The following CCDC3 variants were observed in gnomAD, a reference collection of about 807,000 sequenced individuals.
CCDC3 encodes the protein coiled-coil domain-containing protein 3.
In CCDC3, 24 loss-of-function variants were observed where a neutral mutation model predicts 21.4. The observed-to-expected ratio is 1.12, with a 90% CI of 0.81 to 1.58. CCDC3 has a LOEUF of 1.58. Among genes scored for constraint, CCDC3 ranks in the 40% most tolerant of loss-of-function variants. CCDC3 has a pLI of 0.00. For missense variants in CCDC3, 425 were observed against 360.9 expected (o/e 1.18, Z -1.44); for synonymous variants, 186 against 166.0 (o/e 1.12, Z -0.93).
intron 2 of CCDC3, among the ~76,000 whole-genome samples, chr10:12,987,100 C>A (rs1325730136): frequency 6.6e-6 from 1 of 152,162 alleles, no homozygotes; most frequent in South Asian, 2.1e-4. Flanking sequence ...CAGCCCTGTC[C>A]TCTGCTGTGT....
At chr10:12,994,991 G>C (rs1226414596) in intron 2 of CCDC3, among the ~76,000 whole-genome samples, 1 of 151,476 alleles carries the variant, frequency 6.6e-6, no homozygotes, top group Non-Finnish European at 1.5e-5. Context: ...TGAGGCAGGA[G>C]AATCACTTGA....
chr10:13,015,323 T>C (rs11258127), intron 5 of CCDC3, among the ~76,000 whole-genome samples: 22,607 of 152,110 alleles, frequency 0.15, 2,139 homozygotes, highest in Admixed American at 0.23. Flanking sequence ...TTATACAGAT[T>C]AGGAATCAAA....
chr10:12,943,136 A>C, intron 2 of CCDC3, among the ~76,000 whole-genome samples: 1 of 152,190 alleles, frequency 6.6e-6, no homozygotes, highest in East Asian at 1.9e-4. Flanking sequence ...AGTACTCCTT[A>C]AACTCTTAGG....
At chr10:13,076,107 C>A (rs544814753) in intron 3 of CCDC3, among the ~76,000 whole-genome samples, 9 of 151,952 alleles carry the variant, frequency 5.9e-5, no homozygotes, top group African/African-American at 2.2e-4. Context: ...AAGCAGGTAT[C>A]AGGGAAATAG....
At chr10:12,919,586 T>TAA (rs11413349) in intron 2 of CCDC3, among the ~76,000 whole-genome samples, 10,760 of 130,728 alleles carry the variant, frequency 0.082, 756 homozygotes, top group African/African-American at 0.18. Flanking sequence ...CAAGACTGTC[T>TAA]AAAAAAAAAA....
intron 4 of CCDC3, chr10:13,058,060 A>T (rs1168377719): frequency 8.0e-6 from 6 of 751,848 alleles, no homozygotes; most frequent in Non-Finnish European, 1.5e-5. Flanking sequence ...AGCACATGTA[A>T]TCTGCAACAT....
At position 13,001,359 on chromosome 10, in the gene CCDC3, C is replaced by A; in HGVS notation, c.212G>T (p.Gly71Val). 1 of 1,597,296 alleles carries A rather than the reference C, an allele frequency of 6.3e-7. No homozygotes were observed. Among genetic ancestry groups the A allele is most frequent in the Non-Finnish European group, 8.5e-7 (1 of 1,173,188 alleles). ...HLPWQYHAGQ[G>V]GLFYSAEVEM... ...GACCTCGGCCGAGTAGAAGAGGCCC[C>A]CCTGGCCGGCGTGGTACTGCCAGGG... The change falls in exon 1 of 3, where the codon GGG becomes GTG. Residue 71 changes from glycine to valine, a missense_variant. Physicochemically the swap from Gly to Val is moderately radical, Grantham distance 109 (BLOSUM62 -3). Coordinates refer to ENST00000378825, the MANE Select transcript of CCDC3 (RefSeq NM_031455.4).
chr10:13,052,093 G>T lies in CCDC3; in HGVS notation c.-269-2152C>A, dbSNP rs571402630. ...TAGGGCAGTATAATCTCCAAATTTT[G>T]GCTGGGCATGGCGGCACACACCTGT... On this transcript the variant is annotated intron_variant, in intron 4 of 6. Transcript: ENST00000378839. Among the ~76,000 whole-genome samples, 5 of 152,178 alleles carry T rather than the reference G, an allele frequency of 3.3e-5. No individual in the cohort carries two copies. The East Asian group carries it at 7.7e-4, about 24-fold the overall frequency.
At chr10:12,955,152 T>C (rs1835063925) in intron 2 of CCDC3, among the ~76,000 whole-genome samples, 1 of 152,208 alleles carries the variant, frequency 6.6e-6, no homozygotes, top group African/African-American at 2.4e-5. Context: ...GGCATTTAGA[T>C]TCCTTGGTAT....
At chr10:13,032,821 A>G (rs1160198305) in intron 5 of CCDC3, among the ~76,000 whole-genome samples, 1 of 152,182 alleles carries the variant, frequency 6.6e-6, no homozygotes. Context: ...ACTACAAAAC[A>G]CTGCTGAACG....
At chr10:13,082,985 G>A (rs552723126) in intron 3 of CCDC3, among the ~76,000 whole-genome samples, 21 of 151,932 alleles carry the variant, frequency 1.4e-4, no homozygotes, top group East Asian at 5.8e-4. Context: ...TTGTGCCCTC[G>A]GTCTCTTGCC....
chr10:13,057,322 A>AGG (rs1160186095), intron 4 of CCDC3, among the ~76,000 whole-genome samples: 1 of 151,994 alleles, frequency 6.6e-6, no homozygotes, highest in Non-Finnish European at 1.5e-5. Context: ...TAAAATAATG[A>AGG]GGGGACAAGA....
At chr10:12,977,136 A>G (rs1835429128) in intron 2 of CCDC3, among the ~76,000 whole-genome samples, 1 of 152,108 alleles carries the variant, frequency 6.6e-6, no homozygotes, top group Non-Finnish European at 1.5e-5. Flanking sequence ...TTAGCTGGGC[A>G]TGGTGGCGAG....
At chr10:13,048,285 A>G (rs1245321416) in intron 5 of CCDC3, among the ~76,000 whole-genome samples, 1 of 151,982 alleles carries the variant, frequency 6.6e-6, no homozygotes, top group East Asian at 1.9e-4. Context: ...TCTGCCTCCC[A>G]GGTTCAAGCA....
At chr10:13,059,855 C>T (rs1015084687) in intron 4 of CCDC3, among the ~76,000 whole-genome samples, 2 of 152,014 alleles carry the variant, frequency 1.3e-5, no homozygotes, top group Non-Finnish European at 2.9e-5. Context: ...TTTGGGAGGC[C>T]GAGGAGGGCG....
intron 2 of CCDC3, among the ~76,000 whole-genome samples, chr10:12,997,947 T>C (rs1279644603): frequency 6.6e-6 from 1 of 152,112 alleles, no homozygotes; most frequent in East Asian, 1.9e-4. Flanking sequence ...AATCTCGTAA[T>C]GTTCTAAGAA....
chr10:12,919,006 A>G (rs997639856), intron 2 of CCDC3, among the ~76,000 whole-genome samples: 6 of 152,140 alleles, frequency 3.9e-5, no homozygotes, highest in African/African-American at 1.4e-4. Context: ...CAGTGAGCCG[A>G]GATTGTGCCA....
intron 2 of CCDC3, among the ~76,000 whole-genome samples, chr10:12,919,586 T>A (rs1336317993): frequency 1.4e-4 from 18 of 130,894 alleles, no homozygotes; most frequent in South Asian, 2.6e-4. Context: ...CAAGACTGTC[T>A]AAAAAAAAAA....
At chr10:12,920,790 T>C (rs1406996732) in intron 2 of CCDC3, among the ~76,000 whole-genome samples, 1 of 152,218 alleles carries the variant, frequency 6.6e-6, no homozygotes, top group Non-Finnish European at 1.5e-5. Flanking sequence ...GTCACTTGCC[T>C]AAGTCCCCGT....
Sources: gnomAD v4.1 joint callset for allele counts (sites outside exome capture counted in the v4.1 genomes callset) on GRCh38, gnomAD v4.1.1 for gene constraint, MANE v1.5 for transcripts, NCBI Gene and HGNC (gene_info 2026-07-23, HGNC 2026-07-21) for gene names.